Variants in UQCRFS1 observed in about 807,000 individuals in gnomAD.
UQCRFS1 encodes ubiquinol-cytochrome c reductase, Rieske iron-sulfur polypeptide 1, also known as cytochrome b-c1 complex subunit Rieske, mitochondrial.
In UQCRFS1, 6 loss-of-function variants were observed where a neutral mutation model predicts 15.6. That is an observed-to-expected ratio of 0.38 (90% CI 0.21 to 0.76). UQCRFS1 has a LOEUF of 0.76. Among genes scored for constraint, UQCRFS1 ranks in the 30% least tolerant of loss-of-function variants. The pLI is 0.44. For synonymous variants in UQCRFS1, 105 were observed against 154.3 expected (o/e 0.68, Z 2.37); for missense variants, 203 against 366.7 (o/e 0.55, Z 3.65).
At chr19:29,212,605 ACT>A (rs1361050539) in intron 1 of UQCRFS1, among the ~76,000 whole-genome samples, 2 of 152,086 alleles carry the variant, frequency 1.3e-5, no homozygotes, top group Non-Finnish European at 2.9e-5. Context: ...ACGTTTAGAA[ACT>A]CGCCCAAGGT....
chr19:29,210,952 T>A (rs1443370634), intron 1 of UQCRFS1, among the ~76,000 whole-genome samples: 2 of 151,886 alleles, frequency 1.3e-5, no homozygotes, highest in African/African-American at 4.8e-5. Context: ...TCCACAATGG[T>A]TGAACTAGTT....
rs764565209 is a variant in UQCRFS1, at chr19:29,205,559, AAC to A, written c.*1987_*1988del. 18 of 152,232 alleles carry A rather than the reference AAC, an allele frequency of 1.2e-4. No individual in the cohort carries two copies. The highest frequency in any genetic ancestry group is 2.4e-4 in the Non-Finnish European group (16 of 68,044). The allele number at this position is 152,232 out of a possible 1,614,324, so 9.4% of individuals were successfully genotyped here. On this transcript the variant is annotated 3_prime_UTR_variant, in exon 2 of 2. Transcript: ENST00000304863. Reference sequence around the variant, plus strand: ...ACATTTTCAAAAAGGCCATTTTTATAACACTTTTTAAAGCATAATGAAAACAC... The same window carrying A: ...ACATTTTCAAAAAGGCCATTTTTATAACTTTTTAAAGCATAATGAAAACAC...
Position 29,207,972 on chromosome 19 carries a change from G to A in UQCRFS1, c.401C>T (p.Thr134Ile), listed in dbSNP as rs1252946055. ...GVAYAAKNAV[T>I]QFVSSMSASA... The stretch of plus-strand genomic sequence containing the variant: ...AGCACTCATGCTGGAAACGAACTGG[G>A]TGACGGCATTCTTGGCAGCATATGC... Residue 134 changes from threonine to isoleucine, a missense_variant, in exon 2 of 2, where the codon ACC becomes ATC. Transcript: ENST00000304863. 1 of 1,613,894 alleles carries A rather than the reference G, an allele frequency of 6.2e-7. No homozygotes were observed. Among genetic ancestry groups the A allele is most frequent in the Non-Finnish European group, 8.5e-7 (1 of 1,179,884 alleles).
At chr19:29,212,258 T>G (rs1004690509) in intron 1 of UQCRFS1, among the ~76,000 whole-genome samples, 2 of 152,204 alleles carry the variant, frequency 1.3e-5, no homozygotes, top group Non-Finnish European at 2.9e-5. Context: ...CGGATCCTGG[T>G]GCGAGTCATT....
At chr19:29,212,341 GTTGTGACACT>G (rs1445918011) in intron 1 of UQCRFS1, among the ~76,000 whole-genome samples, 1 of 150,420 alleles carries the variant, frequency 6.6e-6, no homozygotes, top group Non-Finnish European at 1.5e-5. Flanking sequence ...GACTGATTAT[GTTGTGACACT>G]ACACTGTAAC....
At chr19:29,208,786 A>T (rs1338625915) in intron 1 of UQCRFS1, among the ~76,000 whole-genome samples, 4 of 152,242 alleles carry the variant, frequency 2.6e-5, no homozygotes, top group Non-Finnish European at 5.9e-5. Flanking sequence ...CTAGTGTATA[A>T]ATTAGTATTA....
chr19:29,212,845 G>C (rs1249326352), intron 1 of UQCRFS1, 60 bp downstream of exon 1: 1 of 1,353,074 alleles, frequency 7.4e-7, no homozygotes, highest in Non-Finnish European at 9.4e-7. Context: ...CCTGCTGGGG[G>C]CCGGAGGAGC....
At chr19:29,212,828 G>A in intron 1 of UQCRFS1, 77 bp downstream of exon 1, 1 of 1,317,782 alleles carries the variant, frequency 7.6e-7, no homozygotes, top group Non-Finnish European at 9.7e-7. Flanking sequence ...CGCGCCCGCG[G>A]CCGCTCCCTG....
intron 1 of UQCRFS1, among the ~76,000 whole-genome samples, chr19:29,212,462 T>C (rs1402841859): frequency 6.6e-6 from 1 of 151,536 alleles, no homozygotes; most frequent in Non-Finnish European, 1.5e-5. Context: ...ACTTCCCAAA[T>C]ATTAGTAAGT....
intron 1 of UQCRFS1, among the ~76,000 whole-genome samples, chr19:29,211,302 G>A (rs569116961): frequency 1.7e-4 from 26 of 152,284 alleles, no homozygotes; most frequent in Middle Eastern, 3.4e-3. Context: ...CTGGCCATCA[G>A]AGAAATGTAA....
chr19:29,212,078 C>A (rs1437389997), intron 1 of UQCRFS1, among the ~76,000 whole-genome samples: 2 of 152,180 alleles, frequency 1.3e-5, no homozygotes, highest in African/African-American at 4.8e-5. Context: ...ACACACTGCC[C>A]ACAGGCTGCC....
rs1177765387 is a variant in UQCRFS1 at position 29,207,025 on chromosome 19, T to C, written c.*523A>G. 6.5e-6 allele frequency: 1 copy of C among 153,500 alleles called. No individual in the cohort carries two copies. The highest frequency in any genetic ancestry group is 1.4e-5 in the Non-Finnish European group (1 of 69,038). The allele number at this position is 153,500 out of a possible 1,614,324, so 9.5% of individuals were successfully genotyped here. A position where few individuals can be genotyped will look rare whatever the true frequency, so the allele number is the denominator to read the frequency against. ...CTCATTCAGGACTCTTTCCCACAGA[T>C]TAGTGTTGAGATTATCACACGGCTT... is the stretch of plus-strand genomic sequence containing the variant. On this transcript the variant is annotated 3_prime_UTR_variant, in exon 2 of 2. Coordinates refer to ENST00000304863, the MANE Select transcript of UQCRFS1 (RefSeq NM_006003.3).
At chr19:29,212,366 C>T (rs1280379180) in intron 1 of UQCRFS1, among the ~76,000 whole-genome samples, 1 of 145,810 alleles carries the variant, frequency 6.9e-6, no homozygotes, top group East Asian at 2.0e-4. Context: ...TGTAACTGAC[C>T]TTGTGTATGT....
At position 29,207,831 on chromosome 19, in the gene UQCRFS1, T is replaced by C. The variant is rs11538352; in HGVS notation, c.542A>G (p.Gln181Arg). ...GKPLFVRHRT[Q>R]KEIEQEAAVE... is the part of the protein sequence containing the mutation. Reference sequence around the variant, plus strand: ...TGCAGCTTCCTGCTCAATTTCCTTCTGGGTTCTATGACGCACAAACAGGGG... The same window carrying C: ...TGCAGCTTCCTGCTCAATTTCCTTCCGGGTTCTATGACGCACAAACAGGGG... The change falls in exon 2 of 2, where the codon CAG (glutamine) becomes CGG (arginine). Residue 181 changes from glutamine to arginine, a missense_variant. Gln to Arg is a conservative substitution (Grantham distance 43). Around this residue, in one of 3 missense-constraint regions of UQCRFS1, gnomAD observed 91 missense variants for 186.9 expected, o/e 0.49. Transcript: ENST00000304863. The C allele has an allele frequency of 1.2e-6, 2 of 1,614,038 alleles. No individual in the cohort carries two copies. Among genetic ancestry groups the C allele is most frequent in the Non-Finnish European group, 1.7e-6 (2 of 1,179,886 alleles).
intron 1 of UQCRFS1, 40 bp downstream of exon 1, chr19:29,212,865 G>C: frequency 1.4e-6 from 2 of 1,384,258 alleles, no homozygotes; most frequent in South Asian, 1.6e-5. Context: ...CGGGCACCGA[G>C]AGACCCCCAG....
intron 1 of UQCRFS1, 85 bp downstream of exon 1, chr19:29,212,820 C>G (rs903725058): frequency 7.7e-7 from 1 of 1,300,886 alleles, no homozygotes; most frequent in Non-Finnish European, 9.8e-7. Flanking sequence ...TCCGCTCGCG[C>G]GCCCGCGGCC....
At position 29,211,202 on chromosome 19, in the gene UQCRFS1, A is replaced by G. The variant is rs528522569; in HGVS notation, c.214+1703T>C. Among the ~76,000 whole-genome samples, 45 of 151,668 alleles carry G rather than the reference A, an allele frequency of 3.0e-4. 1 individual carries two copies. The highest frequency in any genetic ancestry group is 1.1e-3 in the African/African-American group (45 of 41,220). On this transcript the variant is annotated intron_variant, in intron 1 of 1. Transcript: ENST00000304863. The stretch of plus-strand genomic sequence containing the variant: ...TTACAAGAAAAAAACAAACAACCCC[A>G]TCAAAAAGTGGGCGAAGGACATGAA...
rs1976595558 is a variant in UQCRFS1, at chr19:29,206,489, A to G, written c.*1059T>C. ...GCAAAGACAAACACATCAAAAAGTG[A>G]CTGTGATTCTCAAAGGACAAAGCCC... On this transcript the variant is annotated 3_prime_UTR_variant, in exon 2 of 2. Transcript: ENST00000304863. 6.6e-6 allele frequency: 1 copy of G among 152,204 alleles called. No homozygotes were observed. The highest frequency in any genetic ancestry group is 1.5e-5 in the Non-Finnish European group (1 of 68,038). The allele number at this position is 152,204 out of a possible 1,614,324, so 9.4% of individuals were successfully genotyped here. A position where few individuals can be genotyped will look rare whatever the true frequency, so the allele number is the denominator to read the frequency against.
At position 29,208,112 on chromosome 19, in the gene UQCRFS1, G is replaced by T. The variant is rs1301771166; in HGVS notation, c.261C>A (p.Asp87Glu). 6.2e-7 allele frequency: 1 copy of T among 1,613,938 alleles called. No homozygotes were observed. Residue 87 changes from aspartate (D) to glutamate (E), a missense_variant, in exon 2 of 2, where the codon GAC (aspartate) becomes GAA (glutamate). This residue lies in a region of UQCRFS1 where 92 missense variants were observed against 120.5 expected (regional missense o/e 0.76). Coordinates refer to ENST00000304863, the MANE Select transcript of UQCRFS1 (RefSeq NM_006003.3). The stretch of plus-strand genomic sequence containing the variant: ...CTTCAAGGCGGCGGTATTCAGAGAA[G>T]TCAGGCACCTTGATGTCTGTGTGGG... ...CYSHTDIKVP[D>E]FSEYRRLEVL...
Sources: allele counts gnomAD v4.1 joint callset (sites outside exome capture counted in the v4.1 genomes callset), GRCh38; gene constraint gnomAD v4.1.1; regional missense constraint gnomAD v4.1.1; transcripts MANE v1.5; gene names NCBI Gene and HGNC (gene_info 2026-07-23, HGNC 2026-07-21).